Variants in MINAR1 observed in about 807,000 individuals in gnomAD.
The protein encoded by MINAR1 is major intrinsically disordered Notch2-binding receptor 1.
MINAR1 carries 40 observed loss-of-function variants against 65.1 expected under a neutral mutation model. The observed-to-expected ratio is 0.61, with a 90% CI of 0.48 to 0.80. MINAR1 has a LOEUF of 0.80. Ranked by LOEUF, MINAR1 falls within the 30% of genes least tolerant of loss-of-function variation. The pLI is 0.00. For missense variants in MINAR1, 1,128 were observed against 1,148.0 expected, an observed-to-expected ratio of 0.98 and a Z score of 0.25; for synonymous variants, 482 against 449.1, an observed-to-expected ratio of 1.07 and a Z score of -0.93.
chr15:79,423,413 TA>T, the MINAR1 span: 16 of 152,362 alleles, frequency 1.1e-4, no homozygotes, highest in African/African-American at 3.8e-4. Context: ...ACAAGGAAAC[TA>T]GCTGGTTTCT....
intron 2 of MINAR1, among the ~76,000 whole-genome samples, chr15:79,460,329 A>G (rs1299806169): frequency 6.6e-6 from 1 of 152,094 alleles, no homozygotes; most frequent in Non-Finnish European, 1.5e-5. Flanking sequence ...TACATGTCAA[A>G]ATCTACAGTT....
rs771177539 is a variant in MINAR1 at position 79,457,579 on chromosome 15, A to C, written c.1432A>C (p.Thr478Pro). The C allele has an allele frequency of 1.9e-6, 3 of 1,614,068 alleles. No homozygotes were observed. In the South Asian group the frequency reaches 3.3e-5, roughly 18 times the overall value. ...AGACACCAGTAGCGTGGGCACCCAG[A>C]CTGAGCACGTGCTGGAGCCCAAGAA... is the stretch of plus-strand genomic sequence containing the variant. ...SSDTSSVGTQTEHVLEPKKCR... is the reference protein window; with the variant it reads ...SSDTSSVGTQPEHVLEPKKCR... The change falls in exon 2 of 4, where the codon ACT becomes CCT. Residue 478 changes from threonine (T) to proline (P), a missense_variant. Coordinates refer to ENST00000305428, the MANE Select transcript of MINAR1 (RefSeq NM_015206.3).
At chr15:79,453,437 A>T (rs1032669168) in intron 1 of MINAR1, among the ~76,000 whole-genome samples, 1 of 152,080 alleles carries the variant, frequency 6.6e-6, no homozygotes, top group South Asian at 2.1e-4. Context: ...CAGTTTCCTT[A>T]TCTGTAACAT....
the MINAR1 span, chr15:79,422,724 A>G: frequency 2.0e-5 from 3 of 152,312 alleles, no homozygotes; most frequent in South Asian, 6.2e-4. Context: ...CAAAAAGTGT[A>G]ATGAAGCTGC....
At chr15:79,444,814 A>G (rs1463252455) in intron 1 of MINAR1, among the ~76,000 whole-genome samples, 2 of 151,856 alleles carry the variant, frequency 1.3e-5, no homozygotes, top group Non-Finnish European at 2.9e-5. Flanking sequence ...TTTTTTTAAA[A>G]ATTTGTATCA....
the MINAR1 span, chr15:79,418,628 A>G: frequency 0.39 from 59,574 of 152,300 alleles, 11,924 homozygotes; most frequent in South Asian, 0.54. Context: ...GGACACCATA[A>G]GTGAACAATT....
At chr15:79,425,923 A>G in the MINAR1 span, 1 of 152,402 alleles carries the variant, frequency 6.6e-6, no homozygotes, top group Non-Finnish European at 1.5e-5. Flanking sequence ...CTGTTTCATC[A>G]TGGCTGGACA....
intron 2 of MINAR1, among the ~76,000 whole-genome samples, chr15:79,460,944 T>A (rs975315474): frequency 2.4e-4 from 36 of 152,184 alleles, no homozygotes; most frequent in Admixed American, 2.0e-3. Context: ...GTCAAACTTT[T>A]CTTTATGTGA....
intron 1 of MINAR1, among the ~76,000 whole-genome samples, chr15:79,433,484 T>C (rs1315669848): frequency 6.6e-6 from 1 of 152,148 alleles, no homozygotes; most frequent in Non-Finnish European, 1.5e-5. Flanking sequence ...TGTACATCTA[T>C]CTTAAAGGCT....
In MINAR1 at chr15:79,463,301, C is replaced by T. The variant is rs968209478; in HGVS notation, c.2533C>T (p.Leu845=). The T allele has an allele frequency of 2.5e-6, 4 of 1,613,680 alleles. No individual in the cohort carries two copies. Among genetic ancestry groups the T allele is most frequent in the Non-Finnish European group, 3.4e-6 (4 of 1,179,760 alleles). Residue 845 remains leucine, a synonymous_variant, in exon 3 of 4, where the codon CTG becomes TTG. Coordinates refer to ENST00000305428, the MANE Select transcript of MINAR1 (RefSeq NM_015206.3). ...ACGGAATGCGGGCGACAAGGGCAAG[C>T]TGACAGCCCTGGACCTGCAGGTGAG... ...YARNAGDKGK[L]TALDLQTQES... is the part of the protein sequence containing the mutation.
rs767517925 is a variant in MINAR1, at chr15:79,456,499, T to G, written c.352T>G (p.Ser118Ala). 1.2e-6 allele frequency: 2 copies of G among 1,613,850 alleles called. No homozygotes were observed. The highest frequency in any genetic ancestry group is 2.2e-5 in the South Asian group (2 of 91,088). ...CCAGAAGGTACGCAAGAAGGAGGCA[T>G]CCTTTGAATCATGTAGGTCGGACAC... is the stretch of plus-strand genomic sequence containing the variant. Reference protein sequence around the residue: ...GRQKVRKKEASFESCRSDTEI... With the variant: ...GRQKVRKKEAAFESCRSDTEI... The change falls in exon 2 of 4, where the codon TCC becomes GCC. Residue 118 changes from serine to alanine, a missense_variant. Transcript: ENST00000305428.
At chr15:79,416,058 T>C in the MINAR1 span, 1 of 152,250 alleles carries the variant, frequency 6.6e-6, no homozygotes, top group African/African-American at 2.4e-5. Flanking sequence ...CTTTGAAGTT[T>C]TTGTTCACAT....
At chr15:79,463,411 G>A (rs1031743304) in intron 3 of MINAR1, 90 bp downstream of exon 3, 13 of 1,504,470 alleles carry the variant, frequency 8.6e-6, no homozygotes, top group Non-Finnish European at 1.2e-5. Context: ...AGACCGGCCA[G>A]CCCACTTCCA....
chr15:79,452,625 AGTCT>A (rs147936332), intron 1 of MINAR1, among the ~76,000 whole-genome samples: 19 of 112,334 alleles, frequency 1.7e-4, no homozygotes, highest in Admixed American at 3.3e-4. Flanking sequence ...TGTCTGGATG[AGTCT>A]GTGTGTGTGT....
At chr15:79,454,651 G>A (rs183155525) in intron 1 of MINAR1, among the ~76,000 whole-genome samples, 10 of 152,096 alleles carry the variant, frequency 6.6e-5, no homozygotes, top group Admixed American at 2.6e-4. Context: ...TAGTGTTTTT[G>A]TTCAATTTCA....
intron 1 of MINAR1, among the ~76,000 whole-genome samples, chr15:79,452,625 A>AGT: frequency 8.9e-6 from 1 of 112,334 alleles, no homozygotes; most frequent in Admixed American, 8.1e-5. Context: ...TGTCTGGATG[A>AGT]GTCTGTGTGT....
At position 79,472,298 on chromosome 15, in the gene MINAR1, T is replaced by C. The variant is rs1316192512; in HGVS notation, c.*3914T>C. On this transcript the variant is annotated 3_prime_UTR_variant, in exon 4 of 4. Coordinates refer to ENST00000305428, the MANE Select transcript of MINAR1 (RefSeq NM_015206.3). ...ATAATCAGAAATAAACCGAAAAAAA[T>C]ATAAAATGTCTTGCAGTGAGAGTTG... 2.6e-5 allele frequency: 4 copies of C among 152,546 alleles called. No homozygotes were observed. Among genetic ancestry groups the C allele is most frequent in the Admixed American group, 2.6e-4 (4 of 15,286 alleles). The allele number at this position is 152,546 out of a possible 1,614,324, so 9.4% of individuals were successfully genotyped here. A position where few individuals can be genotyped will look rare whatever the true frequency, so the allele number is the denominator to read the frequency against.
chr15:79,442,660 T>C (rs1436400589), intron 1 of MINAR1, among the ~76,000 whole-genome samples: 1 of 151,770 alleles, frequency 6.6e-6, no homozygotes, highest in African/African-American at 2.4e-5. Context: ...GTGAATTTTC[T>C]TTATGGTTAC....
rs1408196684 is a variant in MINAR1, at chr15:79,471,400, A to G, written c.*3016A>G. ...CATCTTCTAATCTGAATTTGTTTTG[A>G]ACACAGCCTTGCAGAAAAGCAAAAA... On this transcript the variant is annotated 3_prime_UTR_variant, in exon 4 of 4. Transcript: ENST00000305428. The G allele has an allele frequency of 6.6e-6, 1 of 152,596 alleles. No homozygotes were observed. Among genetic ancestry groups the G allele is most frequent in the Non-Finnish European group, 1.5e-5 (1 of 68,032 alleles). The allele number at this position is 152,596 out of a possible 1,614,324, so 9.5% of individuals were successfully genotyped here.
Sources: gnomAD v4.1 joint callset for allele counts (sites outside exome capture counted in the v4.1 genomes callset) on GRCh38, gnomAD v4.1.1 for gene constraint, MANE v1.5 for transcripts, NCBI Gene and HGNC (gene_info 2026-07-23, HGNC 2026-07-21) for gene names.